Variants in KCNQ1 observed in about 807,000 individuals in gnomAD.
KCNQ1 encodes the protein potassium voltage-gated channel subfamily KQT member 1.
Under a neutral mutation model 72.4 loss-of-function variants are expected in KCNQ1, and 49 were observed. The observed-to-expected ratio is 0.68, with a 90% CI of 0.54 to 0.86. KCNQ1 has a LOEUF of 0.86. Among genes scored for constraint, KCNQ1 ranks in the 40% least tolerant of loss-of-function variants. The probability of loss-of-function intolerance (pLI) is 0.00; values close to 1 mark genes in which losing one functional copy is unlikely to be tolerated. For missense variants in KCNQ1, 790 were observed against 945.1 expected (o/e 0.84, Z 2.15); for synonymous variants, 450 against 412.6 (o/e 1.09, Z -1.10).
At position 2,750,293 on chromosome 11, in the gene KCNQ1, G is replaced by T. The variant is rs983036567; in HGVS notation, c.1515-18551G>T. 1.3e-5 allele frequency among the ~76,000 whole-genome samples: 2 copies of T among 152,202 alleles called. No individual in the cohort carries two copies. ...CCCTCAGCCCAGGGCGGAGGACATG[G>T]GAGACGGGGGTATAGCTGTTGGGCT... On this transcript the variant is annotated intron_variant, in intron 11 of 15. Coordinates refer to ENST00000155840, the MANE Select transcript of KCNQ1 (RefSeq NM_000218.3). The surrounding 1 kb of genome is among the most constrained non-coding windows in gnomAD (Gnocchi z 6.3).
chr11:2,521,323 G>C (rs79295543), intron 1 of KCNQ1, among the ~76,000 whole-genome samples: 2 of 152,148 alleles, frequency 1.3e-5, no homozygotes, highest in African/African-American at 2.4e-5. Context: ...TCCCTGCGAC[G>C]GTGGATTTCG....
chr11:2,804,817 T>C (rs1280578806), intron 15 of KCNQ1, among the ~76,000 whole-genome samples: 2 of 152,152 alleles, frequency 1.3e-5, no homozygotes, highest in South Asian at 2.1e-4. Flanking sequence ...ACCATGAAAC[T>C]GATGCTGCTG....
intron 15 of KCNQ1, among the ~76,000 whole-genome samples, chr11:2,801,274 G>A (rs765538352): frequency 8.5e-5 from 13 of 152,302 alleles, no homozygotes; most frequent in African/African-American, 2.9e-4. Context: ...TCGGGGTGCC[G>A]GACCCTGCCC....
At position 2,746,702 on chromosome 11, in the gene KCNQ1, G is replaced by A. The variant is rs890903439; in HGVS notation, c.1515-22142G>A. 1.3e-4 allele frequency among the ~76,000 whole-genome samples: 20 copies of A among 152,244 alleles called. No individual in the cohort carries two copies. Among genetic ancestry groups the A allele is most frequent in the Non-Finnish European group, 2.9e-4 (20 of 68,032 alleles). On this transcript the variant is annotated intron_variant, in intron 11 of 15. Coordinates refer to ENST00000155840, the MANE Select transcript of KCNQ1 (RefSeq NM_000218.3). The surrounding 1 kb of genome is among the most constrained non-coding windows in gnomAD (Gnocchi z 5.9). The stretch of plus-strand genomic sequence containing the variant: ...CCATCCTGTCGGTGTGGCTCGTCAT[G>A]GGCGATGCTGTCTCTGTCTCCTGGC...
In KCNQ1 at chr11:2,673,038, G is replaced by T. The variant is rs1850214921; in HGVS notation, c.1514+10957G>T. On this transcript the variant is annotated intron_variant, in intron 11 of 15. Transcript: ENST00000155840. The surrounding 1 kb of genome is among the most constrained non-coding windows in gnomAD (Gnocchi z 4.5). ...TTACTTGAACAAATATAGGGTCTAG[G>T]GCTGGCCAAAAGGGACAGTGAAGTT... is the stretch of plus-strand genomic sequence containing the variant. 2 of 398,642 alleles carry T rather than the reference G, an allele frequency of 5.0e-6. No individual in the cohort carries two copies. The highest frequency in any genetic ancestry group is 4.4e-5 in the Admixed American group (1 of 22,718). 24.7% of individuals were successfully genotyped at this position (398,642 alleles called of 1,614,324 possible). A position where few individuals can be genotyped will look rare whatever the true frequency, so the allele number is the denominator to read the frequency against.
intron 11 of KCNQ1, among the ~76,000 whole-genome samples, chr11:2,717,616 A>ATCC (rs1207212166): frequency 6.6e-6 from 1 of 152,150 alleles, no homozygotes; most frequent in Non-Finnish European, 1.5e-5. Context: ...TCCTGTCCCA[A>ATCC]TCCTCCCATC....
In KCNQ1 at chr11:2,608,719, C is replaced by T. The variant is rs1287098145; in HGVS notation, c.1393+19865C>T. On this transcript the variant is annotated intron_variant, in intron 10 of 15. Coordinates refer to ENST00000155840, the MANE Select transcript of KCNQ1 (RefSeq NM_000218.3). This position sits in a 1 kb window ranked among gnomAD's most constrained non-coding sequence, Gnocchi z 4.6. Reference sequence around the variant, plus strand: ...CCACAAGCAATTCTCGAACTCCTGGCCACAAGCAATTCTCCTGCCTTGGCC... The same window carrying T: ...CCACAAGCAATTCTCGAACTCCTGGTCACAAGCAATTCTCCTGCCTTGGCC... 7.5e-6 allele frequency: 3 copies of T among 398,392 alleles called. No individual in the cohort carries two copies. The highest frequency in any genetic ancestry group is 1.3e-5 in the Non-Finnish European group (3 of 226,112). The allele number at this position is 398,392 out of a possible 1,614,324, so 24.7% of individuals were successfully genotyped here.
In KCNQ1 at chr11:2,642,805, T is replaced by A; in HGVS notation, c.1394-19156T>A. ...TTTTTAATGGAGGCATTTATTACAA[T>A]AAACTTTCCTCTTAGCATTGCTTTT... On this transcript the variant is annotated intron_variant, in intron 10 of 15. Transcript: ENST00000155840. The surrounding 1 kb of genome is among the most constrained non-coding windows in gnomAD (Gnocchi z 4.3). 2.5e-6 allele frequency: 1 copy of A among 397,906 alleles called. No individual in the cohort carries two copies. The highest frequency in any genetic ancestry group is 4.4e-6 in the Non-Finnish European group (1 of 225,688). The allele number at this position is 397,906 out of a possible 1,614,324, so 24.6% of individuals were successfully genotyped here.
chr11:2,501,072 C>T (rs969169355), intron 1 of KCNQ1, among the ~76,000 whole-genome samples: 12 of 152,012 alleles, frequency 7.9e-5, no homozygotes, highest in Admixed American at 6.6e-5. Context: ...TAGTTAAAAG[C>T]ACCTGCATCA....
rs1847126568 is a variant in KCNQ1 at position 2,507,593 on chromosome 11, G to A, written c.387-20335G>A. ...GACATGGGTCAGGGTTGGGGCGAAG[G>A]AGTCCAGCTGGGGACATGTTATTTT... On this transcript the variant is annotated intron_variant, in intron 1 of 15. Coordinates refer to ENST00000155840, the MANE Select transcript of KCNQ1 (RefSeq NM_000218.3). This position sits in a 1 kb window ranked among gnomAD's most constrained non-coding sequence, Gnocchi z 5.4. Among the ~76,000 whole-genome samples, 1 of 152,198 alleles carries A rather than the reference G, an allele frequency of 6.6e-6. No individual in the cohort carries two copies. Among genetic ancestry groups the A allele is most frequent in the South Asian group, 2.1e-4 (1 of 4,826 alleles).
intron 15 of KCNQ1, among the ~76,000 whole-genome samples, chr11:2,779,223 C>T (rs112640551): frequency 1.6e-4 from 24 of 152,362 alleles, no homozygotes; most frequent in African/African-American, 5.5e-4. Flanking sequence ...GAGAGGTCAG[C>T]TCACAGGATT....
chr11:2,585,420 G>A, intron 8 of KCNQ1, 113 bp downstream of exon 8: 3 of 953,086 alleles, frequency 3.1e-6, no homozygotes, highest in South Asian at 1.4e-5. Flanking sequence ...AGCTTGGCTG[G>A]CCTGTGGGGC....
At chr11:2,533,413 G>A (rs996832883) in intron 2 of KCNQ1, among the ~76,000 whole-genome samples, 4 of 152,336 alleles carry the variant, frequency 2.6e-5, no homozygotes, top group Non-Finnish European at 4.4e-5. Flanking sequence ...TCCCAGGGAG[G>A]AGAGCCACTT....
intron 11 of KCNQ1, chr11:2,667,182 G>A: frequency 2.5e-6 from 1 of 398,676 alleles, no homozygotes; most frequent in East Asian, 3.6e-5. Flanking sequence ...CCTGCCATCA[G>A]CCCAGCTGTG....
intron 5 of KCNQ1, 106 bp from the exon 6 acceptor site, chr11:2,572,740 G>T: frequency 6.8e-7 from 1 of 1,462,678 alleles, no homozygotes; most frequent in Non-Finnish European, 9.4e-7. Flanking sequence ...CGCTGGAGCG[G>T]CGTAGGACGC....
rs549017690 is a variant in KCNQ1, at chr11:2,536,211, C to T, written c.477+8193C>T. Among the ~76,000 whole-genome samples the T allele has an allele frequency of 7.2e-5, 11 of 152,348 alleles. No homozygotes were observed. The highest frequency in any genetic ancestry group is 1.9e-4 in the East Asian group (1 of 5,180). ...GGCGCTCAGCTGGGCCGCGGCTCCA[C>T]GGTGTTAAGGGATTCTAGAAATTTC... On this transcript the variant is annotated intron_variant, in intron 2 of 15. Coordinates refer to ENST00000155840, the MANE Select transcript of KCNQ1 (RefSeq NM_000218.3). This position sits in a 1 kb window ranked among gnomAD's most constrained non-coding sequence, Gnocchi z 7.4.
chr11:2,671,011 A>AG lies in KCNQ1; in HGVS notation c.1514+8933dup, dbSNP rs1356660785. 1.5e-5 allele frequency: 6 copies of AG among 398,460 alleles called. No individual in the cohort carries two copies. Among genetic ancestry groups the AG allele is most frequent in the Non-Finnish European group, 2.2e-5 (5 of 226,072 alleles). 24.7% of individuals were successfully genotyped at this position (398,460 alleles called of 1,614,324 possible). On this transcript the variant is annotated intron_variant, in intron 11 of 15. Transcript: ENST00000155840. The surrounding 1 kb of genome is among the most constrained non-coding windows in gnomAD (Gnocchi z 4.7). ...ATGCTTTAGATATGTGGGCCCTGTT[A>AG]GGGACAACGTAGGTGTCCTGGGCAG...
At chr11:2,702,763 A>G (rs920162230) in intron 11 of KCNQ1, among the ~76,000 whole-genome samples, 6 of 152,072 alleles carry the variant, frequency 3.9e-5, no homozygotes, top group African/African-American at 1.4e-4. Context: ...GGTCTCCTTG[A>G]GTACTCTTAG....
In KCNQ1 at chr11:2,768,804, G is replaced by C; in HGVS notation, c.1515-40G>C. On this transcript the variant is annotated intron_variant, in intron 11 of 15. Transcript: ENST00000155840. The surrounding 1 kb of genome is among the most constrained non-coding windows in gnomAD (Gnocchi z 6.7). ...GGGCAGTGAGGGGATGACCAGCACA[G>C]GGTGGCCACTCACAATCTCCTCTCC... 1 of 1,516,900 alleles carries C rather than the reference G, an allele frequency of 6.6e-7. No homozygotes were observed. Among genetic ancestry groups the C allele is most frequent in the Admixed American group, 1.7e-5 (1 of 59,936 alleles). 94.0% of individuals were successfully genotyped at this position (1,516,900 alleles called of 1,614,324 possible).
Sources: allele counts gnomAD v4.1 joint callset (sites outside exome capture counted in the v4.1 genomes callset), GRCh38; gene constraint gnomAD v4.1.1; non-coding constraint Gnocchi (gnomAD v3.1); transcripts MANE v1.5; gene names NCBI Gene and HGNC (gene_info 2026-07-23, HGNC 2026-07-21).